TRANK1: variants seen among roughly 807,000 people sequenced by gnomAD.
The protein encoded by TRANK1 is TPR and ankyrin repeat-containing protein 1.
TRANK1 carries 198 observed loss-of-function variants against 266.0 expected under a neutral mutation model. The ratio of observed to expected loss-of-function variants is 0.74; its 90% confidence interval spans 0.66 to 0.84. TRANK1 has a LOEUF of 0.84. Among genes scored for constraint, TRANK1 ranks in the 40% least tolerant of loss-of-function variants. TRANK1 has a pLI of 0.00. For synonymous variants in TRANK1, 1,396 were observed against 1,384.1 expected (o/e 1.01, Z -0.19); for missense variants, 3,326 against 3,634.6 (o/e 0.92, Z 2.18).
At chr3:36,935,277 G>T (rs1184388747) in intron 1 of TRANK1, among the ~76,000 whole-genome samples, 1 of 152,030 alleles carries the variant, frequency 6.6e-6, no homozygotes, top group Non-Finnish European at 1.5e-5. Flanking sequence ...CCTCTATAAG[G>T]TCCTGTGTGT....
At chr3:36,874,030 A>G (rs535582529) in intron 9 of TRANK1, 96 bp downstream of exon 9, 163 of 804,770 alleles carry the variant, frequency 2.0e-4, no homozygotes, top group Middle Eastern at 2.7e-4. Context: ...ATGTGTGTGT[A>G]TATATATATA....
intron 11 of TRANK1, among the ~76,000 whole-genome samples, chr3:36,859,950 A>G (rs1036755773): frequency 6.6e-6 from 1 of 152,214 alleles, no homozygotes; most frequent in Non-Finnish European, 1.5e-5. Flanking sequence ...TTGAGGGCTA[A>G]GGATCAATGT....
At position 36,832,324 on chromosome 3, in the gene TRANK1, T is replaced by C. The variant is rs1235922678; in HGVS notation, c.7259A>G (p.Tyr2420Cys). The C allele has an allele frequency of 1.2e-6, 2 of 1,613,880 alleles. No individual in the cohort carries two copies. Among genetic ancestry groups the C allele is most frequent in the African/African-American group, 2.7e-5 (2 of 74,902 alleles). ...LENCIDQFYVYRNPEDYKRLF... is the reference protein window; with the variant it reads ...LENCIDQFYVCRNPEDYKRLF... The stretch of plus-strand genomic sequence containing the variant: ...CCTCTTGTAGTCTTCTGGGTTCCTG[T>C]ACACGTAGAATTGATCAATGCAATT... Residue 2420 changes from tyrosine to cysteine, a missense_variant, in exon 22 of 24, where the codon TAC becomes TGC. Tyr to Cys is a radical substitution (Grantham distance 194). Coordinates refer to ENST00000645898, the MANE Select transcript of TRANK1 (RefSeq NM_001329998.2).
chr3:36,908,179 C>T, intron 2 of TRANK1, 144 bp downstream of exon 2: 1 of 983,666 alleles, frequency 1.0e-6, no homozygotes, highest in African/African-American at 1.7e-5. Flanking sequence ...CACTTCTAAG[C>T]TGACAATGCA....
chr3:36,859,324 G>C (rs1279604330), intron 11 of TRANK1, among the ~76,000 whole-genome samples: 2 of 150,604 alleles, frequency 1.3e-5, no homozygotes, highest in Non-Finnish European at 3.0e-5. Flanking sequence ...GAACGTGCAG[G>C]TTTGTTACAT....
rs1440168358 is a variant in TRANK1, at chr3:36,892,199, C to T, written c.775+3G>A. On this transcript the variant is annotated splice_donor_region_variant and intron_variant, in intron 7 of 23. Transcript: ENST00000645898. Reference sequence around the variant, plus strand: ...GAGGGTGGAAAACTGGGAGAAGACTCACTGGCTTGGATACAGAGTCGCATG... The same window carrying T: ...GAGGGTGGAAAACTGGGAGAAGACTTACTGGCTTGGATACAGAGTCGCATG... 18 of 1,536,526 alleles carry T rather than the reference C, an allele frequency of 1.2e-5. No individual in the cohort carries two copies. Among genetic ancestry groups the T allele is most frequent in the Non-Finnish European group, 1.6e-5 (18 of 1,146,546 alleles).
upstream of TRANK1, among the ~76,000 whole-genome samples, chr3:36,945,731 G>A (rs75060731): frequency 8.5e-5 from 13 of 152,208 alleles, no homozygotes; most frequent in East Asian, 2.5e-3. Flanking sequence ...AGCTTCTCTG[G>A]GCCTGGGAGT....
intron 3 of TRANK1, among the ~76,000 whole-genome samples, chr3:36,899,694 G>C (rs893460392): frequency 6.6e-6 from 1 of 152,176 alleles, no homozygotes; most frequent in Admixed American, 6.5e-5. Flanking sequence ...ACCAACACTG[G>C]ATACAGGGTT....
At chr3:36,913,127 C>T (rs2080076201) in intron 1 of TRANK1, among the ~76,000 whole-genome samples, 1 of 151,630 alleles carries the variant, frequency 6.6e-6, no homozygotes, top group Non-Finnish European at 1.5e-5. Context: ...CTGCAACCTC[C>T]ATCTCTCGAA....
chr3:36,838,316 A>G lies in TRANK1; in HGVS notation c.5517+56T>C, dbSNP rs138935770. The G allele has an allele frequency of 2.3e-4, 361 of 1,602,270 alleles. No individual in the cohort carries two copies. The East Asian group carries it at 4.2e-3, about 19-fold the overall frequency. On this transcript the variant is annotated intron_variant, in intron 20 of 23. Transcript: ENST00000645898. ...GAGTAGAGGTCGAGCCTACCCCTCAATCTGCTCAAGTGAAGCCCAGTTTTC... is the reference window on the plus strand; with the variant it reads ...GAGTAGAGGTCGAGCCTACCCCTCAGTCTGCTCAAGTGAAGCCCAGTTTTC...
Position 36,892,405 on chromosome 3 carries a change from C to G in TRANK1, c.637-65G>C, listed in dbSNP as rs573790976. ...CTAATCAATATGAAGCTTCAAACTCCTTTACCCATAAAGTATGGAATCAGT... is the reference window on the plus strand; with the variant it reads ...CTAATCAATATGAAGCTTCAAACTCGTTTACCCATAAAGTATGGAATCAGT... On this transcript the variant is annotated intron_variant, in intron 6 of 23. Transcript: ENST00000645898. 4.5e-5 allele frequency: 68 copies of G among 1,516,830 alleles called. 1 individual carries two copies. The South Asian group carries it at 7.7e-4, about 17-fold the overall frequency. The allele number at this position is 1,516,830 out of a possible 1,614,324, so 94.0% of individuals were successfully genotyped here.
chr3:36,875,937 CA>C (rs1171270961), intron 8 of TRANK1, among the ~76,000 whole-genome samples: 1 of 152,094 alleles, frequency 6.6e-6, no homozygotes, highest in African/African-American at 2.4e-5. Flanking sequence ...CTATTAAATA[CA>C]AGTAAAGAAG....
At chr3:36,858,993 C>T (rs2079097004) in intron 11 of TRANK1, 99 bp from the exon 12 acceptor site, 4 of 1,327,250 alleles carry the variant, frequency 3.0e-6, no homozygotes, top group Non-Finnish European at 4.0e-6. Flanking sequence ...AAGGGAAGAG[C>T]TAATGTTTAC....
intron 17 of TRANK1, among the ~76,000 whole-genome samples, chr3:36,844,306 A>G (rs2078886679): frequency 6.6e-6 from 1 of 152,266 alleles, no homozygotes; most frequent in East Asian, 1.9e-4. Context: ...GGGTTACTGC[A>G]ACCTCCACCT....
chr3:36,847,501 G>C (rs962199671), intron 15 of TRANK1, among the ~76,000 whole-genome samples, 155 bp from the exon 16 acceptor site: 1 of 152,154 alleles, frequency 6.6e-6, no homozygotes, highest in Non-Finnish European at 1.5e-5. Context: ...AGAATGGATA[G>C]GAGGGAGATT....
At position 36,903,266 on chromosome 3, in the gene TRANK1, C is replaced by CG; in HGVS notation, c.164dup (p.Arg56GlufsTer22). The stretch of plus-strand genomic sequence containing the variant: ...TGCACAGCAGCACAGCCAAGTCCCT[C>CG]GGGGGAACCCTGTAAGAACAAACCG... On this transcript the variant is annotated frameshift_variant, in exon 3 of 24. Transcript: ENST00000645898. LOFTEE classifies it high-confidence loss of function. 1 of 1,537,202 alleles carries CG rather than the reference C, an allele frequency of 6.5e-7. No individual in the cohort carries two copies. Among genetic ancestry groups the CG allele is most frequent in the Non-Finnish European group, 8.7e-7 (1 of 1,146,816 alleles).
intron 8 of TRANK1, among the ~76,000 whole-genome samples, chr3:36,878,230 A>C (rs1180468650): frequency 6.6e-6 from 1 of 152,206 alleles, no homozygotes; most frequent in African/African-American, 2.4e-5. Flanking sequence ...ACTCTTGAGA[A>C]TCTAACTAAT....
intron 21 of TRANK1, chr3:36,834,524 C>T: frequency 2.2e-6 from 1 of 451,532 alleles, no homozygotes; most frequent in East Asian, 3.6e-5. Context: ...TAACATACTC[C>T]CATCCCCCTC....
In TRANK1 at chr3:36,865,024, G is replaced by GTTGTT. The variant is rs58393381; in HGVS notation, c.1079-545_1079-544insAACAA. ...TTTTGGGGGTTTTTTTGTTTTTTTG[G>GTTGTT]TTTTTTTTTTTTTTTTTTTTTGAGA... On this transcript the variant is annotated intron_variant, in intron 9 of 23. Coordinates refer to ENST00000645898, the MANE Select transcript of TRANK1 (RefSeq NM_001329998.2). Among the ~76,000 whole-genome samples the GTTGTT allele has an allele frequency of 7.5e-3, 898 of 119,698 alleles. 21 individuals carry two copies. The highest frequency in any genetic ancestry group is 0.026 in the East Asian group (100 of 3,908). The allele number at this position is 119,698 out of a possible 152,430, so 78.5% of individuals were successfully genotyped here. A position where few individuals can be genotyped will look rare whatever the true frequency, so the allele number is the denominator to read the frequency against.
Sources: allele counts gnomAD v4.1 joint callset (sites outside exome capture counted in the v4.1 genomes callset), GRCh38; gene constraint gnomAD v4.1.1; transcripts MANE v1.5; gene names NCBI Gene and HGNC (gene_info 2026-07-23, HGNC 2026-07-21).